CTNNA2: variants seen among roughly 807,000 people sequenced by gnomAD.
CTNNA2 encodes catenin alpha-2.
A neutral mutation model predicts 101.0 loss-of-function variants in CTNNA2; 42 were observed. The ratio of observed to expected loss-of-function variants is 0.42; its 90% confidence interval spans 0.32 to 0.54. CTNNA2 has a LOEUF of 0.54. CTNNA2 is among the 20% of genes least tolerant of loss of function. The pLI is 0.14. For missense variants in CTNNA2, 871 were observed against 1,223.1 expected (o/e 0.71, Z 4.29); for synonymous variants, 450 against 456.4 (o/e 0.99, Z 0.18).
intron 1 of CTNNA2, among the ~76,000 whole-genome samples, chr2:79,592,409 G>T (rs1352511570): frequency 6.6e-6 from 1 of 152,096 alleles, no homozygotes; most frequent in African/African-American, 2.4e-5. Flanking sequence ...TGGAACTACA[G>T]GCATGAGCCA....
At chr2:80,226,126 C>G (rs544079353) in intron 7 of CTNNA2, among the ~76,000 whole-genome samples, 1 of 152,126 alleles carries the variant, frequency 6.6e-6, no homozygotes, top group African/African-American at 2.4e-5. Flanking sequence ...CTTATGATGG[C>G]CTTCCATGAC....
chr2:79,968,091 T>C (rs1348268870), intron 7 of CTNNA2, among the ~76,000 whole-genome samples: 6 of 152,138 alleles, frequency 3.9e-5, no homozygotes, highest in Non-Finnish European at 7.4e-5. Flanking sequence ...GAGTTTCCTT[T>C]TGGAGTGATG....
At chr2:80,642,355 C>T (rs1171830698) in intron 18 of CTNNA2, among the ~76,000 whole-genome samples, 1 of 152,144 alleles carries the variant, frequency 6.6e-6, no homozygotes, top group Admixed American at 6.6e-5. Context: ...AAAACACTGT[C>T]ATACAGTGTT....
At chr2:80,549,786 T>C (rs2149643384) in intron 11 of CTNNA2, among the ~76,000 whole-genome samples, 2 of 152,276 alleles carry the variant, frequency 1.3e-5, no homozygotes, top group South Asian at 4.2e-4. Context: ...GTTCATTCAG[T>C]GTCTGTCTTT....
intron 3 of CTNNA2, among the ~76,000 whole-genome samples, chr2:79,827,859 C>T (rs191215378): frequency 3.9e-5 from 6 of 152,156 alleles, no homozygotes; most frequent in African/African-American, 1.4e-4. Flanking sequence ...TAAATACCAA[C>T]AAAGTTTCCA....
rs567131551 is a variant in CTNNA2, at chr2:80,591,457, G to GTTTTTTTTTTTTTTTTTTTTTTTTTTTTT, written c.2189+1993_2189+1994insTTTTTTTTTTTTTTTTTTTTTTTTTTTTT. Among the ~76,000 whole-genome samples the GTTTTTTTTTTTTTTTTTTTTTTTTTTTTT allele has an allele frequency of 7.1e-5, 5 of 70,312 alleles. 1 individual carries two copies. Among genetic ancestry groups the GTTTTTTTTTTTTTTTTTTTTTTTTTTTTT allele is most frequent in the East Asian group, 5.2e-4 (1 of 1,934 alleles). 46.1% of individuals were successfully genotyped at this position (70,312 alleles called of 152,430 possible). On this transcript the variant is annotated intron_variant, in intron 15 of 18. Coordinates refer to ENST00000402739, the MANE Select transcript of CTNNA2 (RefSeq NM_001282597.3). ...ATTGCTGCCTCCATCTGCACAGCCT[G>GTTTTTTTTTTTTTTTTTTTTTTTTTTTTT]TTTTTTTTTTTTTTTTTTTTTGCAA...
intron 3 of CTNNA2, among the ~76,000 whole-genome samples, chr2:79,805,976 T>G (rs1335705974): frequency 6.6e-6 from 1 of 151,662 alleles, no homozygotes; most frequent in East Asian, 1.9e-4. Flanking sequence ...AAAGAAAGAA[T>G]AGCCTATAAT....
chr2:80,462,268 G>T (rs1346859655), intron 9 of CTNNA2, among the ~76,000 whole-genome samples: 1 of 152,134 alleles, frequency 6.6e-6, no homozygotes, highest in Non-Finnish European at 1.5e-5. Flanking sequence ...GTTGATGATG[G>T]TATATGGCCA....
chr2:80,239,308 C>A (rs1483252697), intron 7 of CTNNA2, among the ~76,000 whole-genome samples: 1 of 152,094 alleles, frequency 6.6e-6, no homozygotes, highest in Non-Finnish European at 1.5e-5. Flanking sequence ...CCCAGCTTAG[C>A]TATGCGAAAC....
At chr2:79,279,104 T>C (rs1028134244) in intron 2 of CTNNA2, among the ~76,000 whole-genome samples, 1 of 152,148 alleles carries the variant, frequency 6.6e-6, no homozygotes, top group Non-Finnish European at 1.5e-5. Context: ...TGCATTATTA[T>C]TTTGAATAAT....
chr2:80,647,232 G>A (rs1392074097), intron 18 of CTNNA2, among the ~76,000 whole-genome samples: 2 of 151,944 alleles, frequency 1.3e-5, no homozygotes, highest in African/African-American at 4.8e-5. Context: ...TCCATTTCTT[G>A]GGCCATAAAA....
At chr2:79,703,886 T>C (rs1685172212) in intron 2 of CTNNA2, among the ~76,000 whole-genome samples, 1 of 152,104 alleles carries the variant, frequency 6.6e-6, no homozygotes, top group Admixed American at 6.5e-5. Flanking sequence ...CTAGTAATAA[T>C]TTCCTTTTAT....
intron 7 of CTNNA2, among the ~76,000 whole-genome samples, chr2:80,160,238 C>A (rs868712606): frequency 2.0e-5 from 3 of 152,210 alleles, no homozygotes; most frequent in East Asian, 3.9e-4. Context: ...TAAATAGATT[C>A]TTCCCTCTTT....
At chr2:79,370,411 G>A (rs1437623494) in intron 3 of CTNNA2, among the ~76,000 whole-genome samples, 1 of 152,190 alleles carries the variant, frequency 6.6e-6, no homozygotes, top group Non-Finnish European at 1.5e-5. Flanking sequence ...AAACTCCTGA[G>A]TGAATATTTG....
intron 3 of CTNNA2, among the ~76,000 whole-genome samples, chr2:79,811,146 A>C (rs1677001442): frequency 6.6e-6 from 1 of 151,834 alleles, no homozygotes; most frequent in Non-Finnish European, 1.5e-5. Flanking sequence ...TCCCACCAAC[A>C]GTGTAAAAGT....
At chr2:80,221,690 C>A (rs549601626) in intron 7 of CTNNA2, among the ~76,000 whole-genome samples, 1 of 152,052 alleles carries the variant, frequency 6.6e-6, no homozygotes, top group East Asian at 1.9e-4. Context: ...GAAATGGATC[C>A]GATGCTGCAC....
intron 4 of CTNNA2, among the ~76,000 whole-genome samples, chr2:79,376,353 T>A (rs112663149): frequency 2.0e-5 from 3 of 152,326 alleles, no homozygotes; most frequent in African/African-American, 7.2e-5. Context: ...ATGTGGTTTC[T>A]GATCCTGTGT....
At chr2:80,630,403 C>T (rs1272793382) in intron 18 of CTNNA2, among the ~76,000 whole-genome samples, 2 of 152,064 alleles carry the variant, frequency 1.3e-5, no homozygotes, top group African/African-American at 4.8e-5. Flanking sequence ...CTTTGGGAGG[C>T]CGAGGCGGGT....
chr2:80,317,283 T>A (rs537796503), intron 7 of CTNNA2, among the ~76,000 whole-genome samples: 2 of 152,320 alleles, frequency 1.3e-5, no homozygotes, highest in South Asian at 4.1e-4. Flanking sequence ...CCACTAGACC[T>A]TATAAAGTGA....
Sources: allele counts gnomAD v4.1 joint callset (sites outside exome capture counted in the v4.1 genomes callset), GRCh38; gene constraint gnomAD v4.1.1; transcripts MANE v1.5; gene names NCBI Gene and HGNC (gene_info 2026-07-23, HGNC 2026-07-21).